Variants in FHOD1 observed in about 807,000 individuals in gnomAD.
FHOD1 encodes FH1/FH2 domain-containing protein 1.
A neutral mutation model predicts 111.6 loss-of-function variants in FHOD1; 89 were observed. That is an observed-to-expected ratio of 0.80 (90% CI 0.67 to 0.95). FHOD1 has a LOEUF of 0.95. FHOD1 is among the 40% of genes least tolerant of loss of function. FHOD1 has a pLI of 0.00. For synonymous variants in FHOD1, 618 were observed against 639.0 expected, an observed-to-expected ratio of 0.97 and a Z score of 0.50; for missense variants, 1,446 against 1,554.2, an observed-to-expected ratio of 0.93 and a Z score of 1.17.
chr16:67,241,975 C>G (rs1054366444), intron 1 of FHOD1, among the ~76,000 whole-genome samples: 1 of 147,434 alleles, frequency 6.8e-6, no homozygotes, highest in Non-Finnish European at 1.5e-5. Context: ...AGTCCACCTT[C>G]TTTTTTTTTT....
chr16:67,231,812 A>G lies in FHOD1; in HGVS notation c.2210T>C (p.Leu737Pro). 1 of 1,613,934 alleles carries G rather than the reference A, an allele frequency of 6.2e-7. No individual in the cohort carries two copies. Among genetic ancestry groups the G allele is most frequent in the South Asian group, 1.1e-5 (1 of 91,060 alleles). ...AVSKDGIEKL[L>P]TMMPTEEERQ... is the part of the protein sequence containing the mutation. ...CTCTTCCTCCGTGGGCATCATGGTCAGTAGCTTCTGAGGATGTAGCCAGAG... is the reference window on the plus strand; with the variant it reads ...CTCTTCCTCCGTGGGCATCATGGTCGGTAGCTTCTGAGGATGTAGCCAGAG... Residue 737 changes from leucine to proline, a missense_variant, in exon 15 of 22, where the codon CTG becomes CCG. Transcript: ENST00000258201. This position sits in a 1 kb window ranked among gnomAD's most constrained non-coding sequence, Gnocchi z 4.3.
Position 67,238,100 on chromosome 16 carries a change from A to G in FHOD1, c.576T>C (p.Asp192=). The G allele has an allele frequency of 1.2e-6, 2 of 1,614,192 alleles. No homozygotes were observed. The highest frequency in any genetic ancestry group is 1.7e-6 in the Non-Finnish European group (2 of 1,180,018). ...TGTGGGCCACCACCCCCAGCATTCC[A>G]TCCACAAAGAGCATCAGCTGGCCGA... The part of the protein sequence containing the change: ...RALGQLMLFV[D]GMLGVVAHSD... The change falls in exon 6 of 22, where the codon GAT becomes GAC. Residue 192 remains aspartate (D), a synonymous_variant. Transcript: ENST00000258201. The surrounding 1 kb of genome is among the most constrained non-coding windows in gnomAD (Gnocchi z 4.2).
rs150522467 is a variant in FHOD1 at position 67,229,572 on chromosome 16, C to T, written c.*64G>A. 1.2e-5 allele frequency: 17 copies of T among 1,460,770 alleles called. No individual in the cohort carries two copies. The highest frequency in any genetic ancestry group is 1.6e-5 in the Non-Finnish European group (17 of 1,040,406). 90.5% of individuals were successfully genotyped at this position (1,460,770 alleles called of 1,614,324 possible). A position where few individuals can be genotyped will look rare whatever the true frequency, so the allele number is the denominator to read the frequency against. ...GGGCCAGAATTCTGCTCTGGGCCCT[C>T]CTCACTCTGTCATCTCCTGCACTGC... is the stretch of plus-strand genomic sequence containing the variant. On this transcript the variant is annotated 3_prime_UTR_variant, in exon 22 of 22. Transcript: ENST00000258201.
intron 13 of FHOD1, 26 bp downstream of exon 13, chr16:67,233,620 CCTCCCTTGGGG>C: frequency 6.5e-7 from 1 of 1,544,922 alleles, no homozygotes; most frequent in Non-Finnish European, 8.8e-7. Context: ...TTCCCTCCTG[CCTCCCTTGGGG>C]CTACCTTGCA....
intron 10 of FHOD1, 102 bp downstream of exon 10, chr16:67,236,864 T>A: frequency 7.2e-7 from 1 of 1,394,726 alleles, no homozygotes. Flanking sequence ...GTGGGGGCTG[T>A]CTGTGGGGCG....
Position 67,233,998 on chromosome 16 carries a change from T to A in FHOD1, c.1705A>T (p.Ile569Phe). 1.2e-6 allele frequency: 2 copies of A among 1,612,698 alleles called. No homozygotes were observed. The highest frequency in any genetic ancestry group is 1.7e-6 in the Non-Finnish European group (2 of 1,179,828). The change falls in exon 13 of 22, where the codon ATC becomes TTC. Residue 569 changes from isoleucine (I) to phenylalanine (F), a missense_variant. Around this residue, in one of 3 missense-constraint regions of FHOD1, gnomAD observed 1,085 missense variants for 1,108.8 expected, o/e 0.98. Transcript: ENST00000258201. ...NVESVEAGKD[I>F]PAPSPPLPLL... ...GGCAGTGGGGGTGAGGGAGCTGGGA[T>A]GTCTTTCCCAGCCTCCACAGACTCT... is the stretch of plus-strand genomic sequence containing the variant.
rs2034550540 is a variant in FHOD1, at chr16:67,237,891, C to G, written c.643-123G>C. On this transcript the variant is annotated intron_variant, in intron 6 of 21. Coordinates refer to ENST00000258201, the MANE Select transcript of FHOD1 (RefSeq NM_013241.3). The surrounding 1 kb of genome is among the most constrained non-coding windows in gnomAD (Gnocchi z 5.6). Reference sequence around the variant, plus strand: ...AGAATCTAGGCAGAATGACCCTGGCCCCAGGCCCAGGCACTGAAGTGCCTT... The same window carrying G: ...AGAATCTAGGCAGAATGACCCTGGCGCCAGGCCCAGGCACTGAAGTGCCTT... 1.5e-5 allele frequency: 19 copies of G among 1,302,240 alleles called. No homozygotes were observed. Among genetic ancestry groups the G allele is most frequent in the African/African-American group, 2.9e-5 (2 of 68,506 alleles). 80.7% of individuals were successfully genotyped at this position (1,302,240 alleles called of 1,614,324 possible).
rs1346641439 is a variant in FHOD1, at chr16:67,233,908, G to T, written c.1795C>A (p.Pro599Thr). ...GCCAGAGGTAGAGGTGGAGGTGGTG[G>T]GAAGGGGCCTTTGATGGGTGGGGGA... ...PPPPPIKGPFPPPPPLPLAAP... is the reference protein window; with the variant it reads ...PPPPPIKGPFTPPPPLPLAAP... Residue 599 changes from proline to threonine, a missense_variant, in exon 13 of 22, where the codon CCA becomes ACA. Pro to Thr is a conservative substitution (Grantham distance 38). Around this residue, in one of 3 missense-constraint regions of FHOD1, gnomAD observed 1,085 missense variants for 1,108.8 expected, o/e 0.98. Transcript: ENST00000258201. 4.4e-6 allele frequency: 7 copies of T among 1,582,114 alleles called. No homozygotes were observed. Among genetic ancestry groups the T allele is most frequent in the Admixed American group, 1.8e-5 (1 of 56,470 alleles).
chr16:67,234,933 ATTTT>A (rs74379588), intron 11 of FHOD1, among the ~76,000 whole-genome samples: 2,923 of 151,862 alleles, frequency 0.019, 44 homozygotes, highest in Non-Finnish European at 0.03. Flanking sequence ...TGATTTTTTA[ATTTT>A]TTTGAGGAGA....
intron 1 of FHOD1, among the ~76,000 whole-genome samples, chr16:67,241,491 G>A (rs1188374289): frequency 6.6e-6 from 1 of 152,138 alleles, no homozygotes; most frequent in Non-Finnish European, 1.5e-5. Flanking sequence ...CTACCCCAGA[G>A]CCACCCCCGT....
At chr16:67,234,541 C>T in intron 11 of FHOD1, 69 bp from the exon 12 acceptor site, 1 of 1,323,646 alleles carries the variant, frequency 7.6e-7, no homozygotes, top group Non-Finnish European at 1.0e-6. Flanking sequence ...CCTTGCTGAG[C>T]CCCTGGACAC....
intron 1 of FHOD1, among the ~76,000 whole-genome samples, chr16:67,241,795 A>G (rs1013240041): frequency 4.6e-5 from 7 of 152,228 alleles, no homozygotes; most frequent in Non-Finnish European, 7.4e-5. Context: ...ACCCAGGTAT[A>G]AGGTTGGGTA....
intron 1 of FHOD1, among the ~76,000 whole-genome samples, chr16:67,242,589 C>T (rs2034697460): frequency 6.6e-6 from 1 of 152,352 alleles, no homozygotes; most frequent in East Asian, 1.9e-4. Context: ...CTGAATAAGC[C>T]CAAACCCTGG....
chr16:67,242,451 CA>C (rs2034693262), intron 1 of FHOD1, among the ~76,000 whole-genome samples: 3 of 152,186 alleles, frequency 2.0e-5, no homozygotes, highest in Admixed American at 2.0e-4. Context: ...AGGCAAGCAG[CA>C]AAGAGCAGGA....
rs769206751 is a variant in FHOD1, at chr16:67,231,772, C to T, written c.2250G>A (p.Glu750=). Residue 750 remains glutamate (E), a synonymous_variant, in exon 15 of 22, where the codon GAG becomes GAA. Coordinates refer to ENST00000258201, the MANE Select transcript of FHOD1 (RefSeq NM_013241.3). This position sits in a 1 kb window ranked among gnomAD's most constrained non-coding sequence, Gnocchi z 4.3. ...MPTEEERQKI[E]EAQLANPDIP... ...TGTCAGGGTTGGCCAGCTGGGCTTCCTCAATCTTCTGCCGCTCTTCCTCCG... is the reference window on the plus strand; with the variant it reads ...TGTCAGGGTTGGCCAGCTGGGCTTCTTCAATCTTCTGCCGCTCTTCCTCCG... 1.9e-6 allele frequency: 3 copies of T among 1,613,886 alleles called. No homozygotes were observed. The highest frequency in any genetic ancestry group is 2.5e-6 in the Non-Finnish European group (3 of 1,179,952).
chr16:67,232,678 T>C (rs989315087), intron 13 of FHOD1, among the ~76,000 whole-genome samples: 3 of 152,178 alleles, frequency 2.0e-5, no homozygotes, highest in Non-Finnish European at 4.4e-5. Context: ...TAGATTCTTT[T>C]GAGACAGGGC....
At position 67,232,024 on chromosome 16, in the gene FHOD1, G is replaced by C; in HGVS notation, c.2202+15C>G. ...GCCAGACCTCCCCCCAACACCCATA[G>C]CTGGGTGACCTCACCTCAATGCCAT... On this transcript the variant is annotated intron_variant, in intron 14 of 21. Coordinates refer to ENST00000258201, the MANE Select transcript of FHOD1 (RefSeq NM_013241.3). The C allele has an allele frequency of 6.2e-7, 1 of 1,613,888 alleles. No individual in the cohort carries two copies. The highest frequency in any genetic ancestry group is 8.5e-7 in the Non-Finnish European group (1 of 1,179,808).
intron 1 of FHOD1, chr16:67,246,839 G>T: frequency 4.1e-6 from 1 of 243,054 alleles, no homozygotes; most frequent in Middle Eastern, 1.3e-3. Flanking sequence ...CCTGAAGCAG[G>T]TGGAAGCTGG....
intron 13 of FHOD1, 110 bp from the exon 14 acceptor site, chr16:67,232,304 T>G: frequency 9.7e-7 from 1 of 1,028,436 alleles, no homozygotes; most frequent in South Asian, 1.5e-5. Context: ...GACCACGAGG[T>G]CAGGAGATCG....
Sources: allele counts gnomAD v4.1 joint callset (sites outside exome capture counted in the v4.1 genomes callset), GRCh38; gene constraint gnomAD v4.1.1; regional missense constraint gnomAD v4.1.1; non-coding constraint Gnocchi (gnomAD v3.1); transcripts MANE v1.5; gene names NCBI Gene and HGNC (gene_info 2026-07-23, HGNC 2026-07-21).